CHEK1: variants seen among roughly 807,000 people sequenced by gnomAD.
CHEK1 encodes the protein serine/threonine-protein kinase Chk1.
A neutral mutation model predicts 60.2 loss-of-function variants in CHEK1; 32 were observed. The ratio of observed to expected loss-of-function variants is 0.53; its 90% CI spans 0.40 to 0.71. The LOEUF is 0.71. Ranked by LOEUF, CHEK1 falls within the 30% of genes least tolerant of loss-of-function variation. The probability of loss-of-function intolerance (pLI) is 0.00; values close to 1 mark genes in which losing one functional copy is unlikely to be tolerated. For missense variants in CHEK1, 399 were observed against 564.6 expected (o/e 0.71, Z 2.97); for synonymous variants, 179 against 187.2 (o/e 0.96, Z 0.36).
chr11:125,643,649 CT>C (rs1941386937), intron 8 of CHEK1, 142 bp from the exon 9 acceptor site: 1 of 594,610 alleles, frequency 1.7e-6, no homozygotes, highest in African/African-American at 1.9e-5. Context: ...TATAGGAAGA[CT>C]TTGTTTTATA....
chr11:125,672,611 A>G, intron 13 of CHEK1: 1 of 1,614,124 alleles, frequency 6.2e-7, no homozygotes, highest in Non-Finnish European at 8.5e-7. Flanking sequence ...TATTGCAGAA[A>G]GATTGATTTC....
In CHEK1 at chr11:125,625,748, T is replaced by C; in HGVS notation, c.-285T>C. ...GCCACTTCATATTTGGGCCCAGAGCTCAATTCGCGCCGATGCGGTCCGCCG... is the reference window on the plus strand; with the variant it reads ...GCCACTTCATATTTGGGCCCAGAGCCCAATTCGCGCCGATGCGGTCCGCCG... On this transcript the variant is annotated 5_prime_UTR_variant, in exon 1 of 13. Coordinates refer to ENST00000438015, the MANE Select transcript of CHEK1 (RefSeq NM_001114122.3). 1.5e-6 allele frequency: 1 copy of C among 680,952 alleles called. No individual in the cohort carries two copies. The highest frequency in any genetic ancestry group is 2.7e-5 in the East Asian group (1 of 36,808). The allele number at this position is 680,952 out of a possible 1,614,324, so 42.2% of individuals were successfully genotyped here.
At chr11:125,650,143 A>AT (rs942640344) in intron 11 of CHEK1, among the ~76,000 whole-genome samples, 95 of 145,964 alleles carry the variant, frequency 6.5e-4, no homozygotes, top group Admixed American at 1.1e-3. Flanking sequence ...ATTTCTTCAG[A>AT]TTTTTTTTTT....
chr11:125,679,075 A>C (rs1942669101), downstream of CHEK1, among the ~76,000 whole-genome samples: 1 of 147,902 alleles, frequency 6.8e-6, no homozygotes, highest in African/African-American at 2.5e-5. Flanking sequence ...CTGAGTACTT[A>C]ATAAGATAAA....
intron 5 of CHEK1, 31 bp from the exon 6 acceptor site, chr11:125,633,132 T>G (rs1177578017): frequency 6.5e-7 from 1 of 1,539,424 alleles, no homozygotes; most frequent in Non-Finnish European, 8.7e-7. Context: ...AACATTTTTA[T>G]TCAGTGTCAT....
Position 125,629,400 on chromosome 11 carries a change from C to A in CHEK1, c.364C>A (p.His122Asn). The A allele has an allele frequency of 1.2e-6, 2 of 1,613,732 alleles. No individual in the cohort carries two copies. Among genetic ancestry groups the A allele is most frequent in the Non-Finnish European group, 1.7e-6 (2 of 1,179,728 alleles). ...TCTGCATCCCTCTTAGGTTTATCTGCATGGTATTGGAATAACTCACAGGGA... is the reference window on the plus strand; with the variant it reads ...TCTGCATCCCTCTTAGGTTTATCTGAATGGTATTGGAATAACTCACAGGGA... ...HQLMAGVVYL[H>N]GIGITHRDIK... Residue 122 changes from histidine (H) to asparagine (N), a missense_variant, in exon 5 of 13, where the codon CAT becomes AAT. By Grantham distance (68) the His-to-Asn change is moderately conservative. This residue lies in a region of CHEK1 where 370 missense variants were observed against 494.8 expected (regional missense o/e 0.75). Coordinates refer to ENST00000438015, the MANE Select transcript of CHEK1 (RefSeq NM_001114122.3).
At chr11:125,645,723 C>G (rs1941477530) in intron 11 of CHEK1, among the ~76,000 whole-genome samples, 1 of 152,058 alleles carries the variant, frequency 6.6e-6, no homozygotes, top group African/African-American at 2.4e-5. Flanking sequence ...TATTTTCATT[C>G]AGCTTAAAAT....
chr11:125,642,960 G>T lies in CHEK1; in HGVS notation c.815-832G>T, dbSNP rs1380385639. On this transcript the variant is annotated intron_variant, in intron 8 of 12. Transcript: ENST00000438015. ...ACAAATATTATCTGGCAATATTGAG[G>T]TTTAGCTAGGGATTGTAACCATAAA... 3 of 152,126 alleles carry T rather than the reference G, an allele frequency of 2.0e-5. No individual in the cohort carries two copies. In the East Asian group the frequency reaches 5.8e-4, roughly 29 times the overall value. The allele number at this position is 152,126 out of a possible 1,614,324, so 9.4% of individuals were successfully genotyped here.
At chr11:125,679,207 C>T (rs1199694162), downstream of CHEK1, among the ~76,000 whole-genome samples, 4 of 93,178 alleles carry the variant, frequency 4.3e-5, no homozygotes, top group Admixed American at 1.3e-4. Flanking sequence ...ACCTTTAATC[C>T]GTCTCTTTCT....
chr11:125,664,436 C>T (rs1238145672), intron 13 of CHEK1, among the ~76,000 whole-genome samples: 8 of 151,790 alleles, frequency 5.3e-5, no homozygotes, highest in Non-Finnish European at 7.4e-5. Flanking sequence ...GGTTTTACCA[C>T]GTTGACCAGG....
chr11:125,672,942 C>G (rs1319214279), intron 13 of CHEK1, among the ~76,000 whole-genome samples: 1 of 152,076 alleles, frequency 6.6e-6, no homozygotes, highest in African/African-American at 2.4e-5. Context: ...TTTTGGTTTA[C>G]AAGGATGCTC....
intron 11 of CHEK1, among the ~76,000 whole-genome samples, chr11:125,651,025 G>A (rs1941706538): frequency 6.6e-6 from 1 of 152,032 alleles, no homozygotes; most frequent in Non-Finnish European, 1.5e-5. Flanking sequence ...CTAAGCATAT[G>A]TACTGCCCTG....
intron 11 of CHEK1, among the ~76,000 whole-genome samples, chr11:125,645,314 C>A (rs1488747905): frequency 6.6e-6 from 1 of 152,122 alleles, no homozygotes; most frequent in African/African-American, 2.4e-5. Flanking sequence ...CCCACACTTT[C>A]TCCCATCTCC....
At chr11:125,663,802 C>T (rs1196230636) in intron 13 of CHEK1, among the ~76,000 whole-genome samples, 1 of 152,136 alleles carries the variant, frequency 6.6e-6, no homozygotes, top group African/African-American at 2.4e-5. Flanking sequence ...TTTAGTTTTA[C>T]ATTTAAGTCT....
At chr11:125,637,613 A>T (rs1941126058) in intron 8 of CHEK1, 69 bp downstream of exon 8, 1 of 1,036,864 alleles carries the variant, frequency 9.6e-7, no homozygotes, top group Non-Finnish European at 1.5e-6. Context: ...AGTTATTATC[A>T]CAAGTCAACA....
At chr11:125,672,779 C>T in intron 13 of CHEK1, 1 of 1,596,116 alleles carries the variant, frequency 6.3e-7, no homozygotes, top group Non-Finnish European at 8.5e-7. Flanking sequence ...TAGCCTTTAT[C>T]TGTGATGCTC....
chr11:125,678,155 T>G (rs771600640), downstream of CHEK1: 2 of 1,614,036 alleles, frequency 1.2e-6, no homozygotes, highest in Non-Finnish European at 1.7e-6. Flanking sequence ...CATGCTCACT[T>G]AAAGTGTTCA....
At chr11:125,680,430 G>A (rs995633556), downstream of CHEK1, among the ~76,000 whole-genome samples, 1 of 152,134 alleles carries the variant, frequency 6.6e-6, no homozygotes, top group Non-Finnish European at 1.5e-5. Context: ...CCTTCATTGG[G>A]CTTCTACAGA....
chr11:125,633,306 G>A lies in CHEK1; in HGVS notation c.568G>A (p.Asp190Asn). Residue 190 changes from aspartate to asparagine, a missense_variant, in exon 6 of 13, where the codon GAT (aspartate) becomes AAT (asparagine). By Grantham distance (23) the Asp-to-Asn change is conservative (BLOSUM62 1). Coordinates refer to ENST00000438015, the MANE Select transcript of CHEK1 (RefSeq NM_001114122.3). ...AAGAGAATTTCATGCAGAACCAGTTGATGTTTGGTCCTGTGGAATAGTACT... is the reference window on the plus strand; with the variant it reads ...AAGAGAATTTCATGCAGAACCAGTTAATGTTTGGTCCTGTGGAATAGTACT... ...KRREFHAEPV[D>N]VWSCGIVLTA... 6.2e-7 allele frequency: 1 copy of A among 1,605,224 alleles called. No homozygotes were observed. The highest frequency in any genetic ancestry group is 8.5e-7 in the Non-Finnish European group (1 of 1,177,482).
Sources: allele counts gnomAD v4.1 joint callset (sites outside exome capture counted in the v4.1 genomes callset), GRCh38; gene constraint gnomAD v4.1.1; regional missense constraint gnomAD v4.1.1; transcripts MANE v1.5; gene names NCBI Gene and HGNC (gene_info 2026-07-23, HGNC 2026-07-21).